The following SVIL variants were observed in gnomAD, a reference collection of about 807,000 sequenced individuals.
SVIL encodes supervillin.
A neutral mutation model predicts 240.4 loss-of-function variants in SVIL; 101 were observed. The ratio of observed to expected loss-of-function variants is 0.42; its 90% confidence interval spans 0.36 to 0.50. The LOEUF is 0.50. Among genes scored for constraint, SVIL ranks in the 20% least tolerant of loss-of-function variants. SVIL has a pLI of 0.01. For synonymous variants in SVIL, 999 were observed against 1,100.0 expected (o/e 0.91, Z 1.82); for missense variants, 2,512 against 2,818.7 (o/e 0.89, Z 2.46).
At position 29,735,694 on chromosome 10, in the gene SVIL, T is replaced by A. The variant is rs1564374940; in HGVS notation, c.-400+57A>T. The A allele has an allele frequency of 6.6e-6, 1 of 151,536 alleles. No homozygotes were observed. The highest frequency in any genetic ancestry group is 2.1e-4 in the South Asian group (1 of 4,794). The allele number at this position is 151,536 out of a possible 1,614,324, so 9.4% of individuals were successfully genotyped here. On this transcript the variant is annotated intron_variant, in intron 1 of 35. Transcript: ENST00000375400. This position sits in a 1 kb window ranked among gnomAD's most constrained non-coding sequence, Gnocchi z 4.1. ...CAGAGCGCAGCGGCGCGTCCTGGCGTCTGCCGGCCCCGGCTCCGCGCGCCC... is the reference window on the plus strand; with the variant it reads ...CAGAGCGCAGCGGCGCGTCCTGGCGACTGCCGGCCCCGGCTCCGCGCGCCC...
At chr10:29,521,338 G>T (rs1186223485) in intron 16 of SVIL, among the ~76,000 whole-genome samples, 1 of 152,158 alleles carries the variant, frequency 6.6e-6, no homozygotes, top group Non-Finnish European at 1.5e-5. Context: ...AGAGTGGTCA[G>T]TGAAGCCTGC....
chr10:29,607,777 G>T (rs1476172470), intron 1 of SVIL, among the ~76,000 whole-genome samples: 1 of 152,194 alleles, frequency 6.6e-6, no homozygotes, highest in Admixed American at 6.5e-5. Flanking sequence ...CAGAGATGGA[G>T]CAGGTCAAGG....
chr10:29,536,916 A>G (rs1431101920), intron 6 of SVIL, among the ~76,000 whole-genome samples: 1 of 150,868 alleles, frequency 6.6e-6, no homozygotes, highest in Non-Finnish European at 1.5e-5. Flanking sequence ...TGTCACAAAA[A>G]AAAAAAAAAA....
chr10:29,602,789 C>G (rs1420094671), intron 1 of SVIL, among the ~76,000 whole-genome samples: 1 of 152,096 alleles, frequency 6.6e-6, no homozygotes, highest in Non-Finnish European at 1.5e-5. Flanking sequence ...AGTTTGAGAC[C>G]AGCCTGGTCA....
intron 17 of SVIL, among the ~76,000 whole-genome samples, chr10:29,507,333 C>T (rs1253380052): frequency 6.6e-6 from 1 of 152,156 alleles, no homozygotes; most frequent in Non-Finnish European, 1.5e-5. Flanking sequence ...AGGATCGAAG[C>T]TCAGAGGCTG....
Position 29,523,572 on chromosome 10 carries a change from T to G in SVIL, c.3042A>C (p.Glu1014Asp). The G allele has an allele frequency of 1.9e-6, 3 of 1,614,166 alleles. No individual in the cohort carries two copies. Among genetic ancestry groups the G allele is most frequent in the Non-Finnish European group, 2.5e-6 (3 of 1,180,016 alleles). The change falls in exon 15 of 38, where the codon GAA (glutamate) becomes GAC (aspartate). Residue 1014 changes from glutamate to aspartate, a missense_variant. Transcript: ENST00000355867. ...TTTTAGCCATGGAAAATTCCTTCGGTTCATCCCCGAGGTGGGTGATGGGAG... is the reference window on the plus strand; with the variant it reads ...TTTTAGCCATGGAAAATTCCTTCGGGTCATCCCCGAGGTGGGTGATGGGAG... ...ANPPITHLGD[E>D]PKEFSMAKMN... is the part of the protein sequence containing the mutation.
intron 16 of SVIL, among the ~76,000 whole-genome samples, chr10:29,516,610 G>A (rs1210381133): frequency 1.3e-5 from 2 of 152,198 alleles, no homozygotes; most frequent in African/African-American, 2.4e-5. Flanking sequence ...AACTGTCAGC[G>A]CTTCTAACAA....
intron 1 of SVIL, among the ~76,000 whole-genome samples, chr10:29,721,917 A>G (rs930347985): frequency 6.6e-6 from 1 of 152,132 alleles, no homozygotes; most frequent in Non-Finnish European, 1.5e-5. Context: ...GTTAGAGAAG[A>G]AGGCATTTTC....
chr10:29,702,267 G>A (rs1336410953), intron 1 of SVIL, among the ~76,000 whole-genome samples: 1 of 151,582 alleles, frequency 6.6e-6, no homozygotes, highest in Non-Finnish European at 1.5e-5. Context: ...CAGAGGAGGT[G>A]CTACATTTTG....
chr10:29,624,368 T>C (rs1957785147), intron 1 of SVIL, among the ~76,000 whole-genome samples: 1 of 151,908 alleles, frequency 6.6e-6, no homozygotes, highest in Non-Finnish European at 1.5e-5. Context: ...CGAAACCCCA[T>C]CTCTACTAAA....
At chr10:29,610,273 A>C (rs1007598521) in intron 1 of SVIL, among the ~76,000 whole-genome samples, 3 of 151,886 alleles carry the variant, frequency 2.0e-5, no homozygotes, top group African/African-American at 7.3e-5. Flanking sequence ...GACTTGTACA[A>C]TCACAACAGC....
intron 5 of SVIL, 101 bp downstream of exon 5, chr10:29,554,682 T>C (rs1209549806): frequency 7.3e-7 from 1 of 1,363,496 alleles, no homozygotes; most frequent in Non-Finnish European, 9.5e-7. Flanking sequence ...ACAATTCACT[T>C]CTGTGGAATA....
intron 1 of SVIL, among the ~76,000 whole-genome samples, chr10:29,731,379 AG>A (rs1465907793): frequency 1.3e-5 from 2 of 152,252 alleles, no homozygotes; most frequent in African/African-American, 4.8e-5. Context: ...GATTAAACAA[AG>A]GATGTGGGCA....
At chr10:29,597,105 C>A (rs1043976968) in intron 1 of SVIL, among the ~76,000 whole-genome samples, 1 of 152,186 alleles carries the variant, frequency 6.6e-6, no homozygotes, top group Non-Finnish European at 1.5e-5. Flanking sequence ...AGGTTGCACA[C>A]CTGTTAACAT....
At chr10:29,550,397 G>C (rs1589218566) in intron 6 of SVIL, among the ~76,000 whole-genome samples, 200 bp downstream of exon 6, 2 of 151,166 alleles carry the variant, frequency 1.3e-5, no homozygotes, top group African/African-American at 4.9e-5. Flanking sequence ...AGCTATGATA[G>C]TGCCACTGCC....
chr10:29,590,500 A>AG (rs1374534612), intron 1 of SVIL, among the ~76,000 whole-genome samples: 2 of 152,232 alleles, frequency 1.3e-5, no homozygotes, highest in South Asian at 2.1e-4. Context: ...CCTGTTCTGA[A>AG]GAAAAAAAGA....
Position 29,735,420 on chromosome 10 carries a change from C to A in SVIL, c.-400+331G>T, listed in dbSNP as rs1239579459. Among the ~76,000 whole-genome samples, 1 of 152,036 alleles carries A rather than the reference C, an allele frequency of 6.6e-6. No individual in the cohort carries two copies. Among genetic ancestry groups the A allele is most frequent in the Non-Finnish European group, 1.5e-5 (1 of 67,982 alleles). On this transcript the variant is annotated intron_variant, in intron 1 of 35. Coordinates refer to the SVIL transcript ENST00000375400. The surrounding 1 kb of genome is among the most constrained non-coding windows in gnomAD (Gnocchi z 4.1). ...GCCGCGCTAACTTCCCGAAACTCCG[C>A]GGAGAGAAACCCTGCCCCGGCCCGC...
At chr10:29,468,562 A>G (rs4747659) in intron 32 of SVIL, among the ~76,000 whole-genome samples, 55,776 of 151,528 alleles carry the variant, frequency 0.37, 10,721 homozygotes, top group East Asian at 0.58. Context: ...CATCCTTGCC[A>G]ATACTTGTTA....
chr10:29,687,371 A>G (rs576114422), intron 1 of SVIL, among the ~76,000 whole-genome samples: 2 of 152,328 alleles, frequency 1.3e-5, no homozygotes, highest in African/African-American at 4.8e-5. Flanking sequence ...ATGTAGATTT[A>G]CTGGGCACTA....
Sources: allele counts gnomAD v4.1 joint callset (sites outside exome capture counted in the v4.1 genomes callset), GRCh38; gene constraint gnomAD v4.1.1; non-coding constraint Gnocchi (gnomAD v3.1); transcripts MANE v1.5; gene names NCBI Gene and HGNC (gene_info 2026-07-23, HGNC 2026-07-21).